Variants in OPHN1 observed in about 807,000 individuals in gnomAD.
The protein encoded by OPHN1 is oligophrenin 1.
Under a neutral mutation model 60.7 loss-of-function variants are expected in OPHN1, and 11 were observed. The ratio of observed to expected loss-of-function variants is 0.18; its 90% CI spans 0.11 to 0.30. The LOEUF is 0.30. OPHN1 is among the 10% of genes least tolerant of loss of function. The probability of loss-of-function intolerance (pLI) is 1.00; values close to 1 mark genes in which losing one functional copy is unlikely to be tolerated. For missense variants in OPHN1, 449 were observed against 611.0 expected (o/e 0.73, Z 2.80); for synonymous variants, 226 against 222.6 (o/e 1.02, Z -0.14).
intron 15 of OPHN1, among the ~76,000 whole-genome samples, chrX:68,159,537 A>T (rs1178178495): frequency 1.8e-5 from 2 of 112,282 alleles, no homozygotes; most frequent in African/African-American, 3.2e-5. Context: ...ACAAGTTTTT[A>T]AAATTATATA....
At chrX:68,292,909 C>T (rs950888961) in intron 3 of OPHN1, among the ~76,000 whole-genome samples, 5 of 111,949 alleles carry the variant, frequency 4.5e-5, no homozygotes, top group African/African-American at 1.6e-4. Context: ...AAAGCTATTG[C>T]CTGTGCTAAG....
chrX:68,110,298 T>C (rs1440254137), intron 18 of OPHN1, among the ~76,000 whole-genome samples: 1 of 112,045 alleles, frequency 8.9e-6, no homozygotes, highest in Non-Finnish European at 1.9e-5. Context: ...TTCTGTGATC[T>C]ATTTGTTCAT....
chrX:68,292,825 C>G (rs1031766049), intron 3 of OPHN1, among the ~76,000 whole-genome samples: 2 of 111,765 alleles, frequency 1.8e-5, no homozygotes, highest in Non-Finnish European at 3.8e-5. Flanking sequence ...GCACTCAAGC[C>G]CAATAACTTG....
intron 2 of OPHN1, among the ~76,000 whole-genome samples, chrX:68,369,931 G>T (rs982045585): frequency 4.9e-5 from 5 of 101,633 alleles, no homozygotes; most frequent in African/African-American, 7.4e-5. Context: ...CATGTATAAG[G>T]CTCCTCATTA....
intron 21 of OPHN1, among the ~76,000 whole-genome samples, chrX:68,058,259 AACACACACAC>A (rs745625536): frequency 9.8e-6 from 1 of 101,999 alleles, no homozygotes; most frequent in Middle Eastern, 4.9e-3. Context: ...CCTACACTCT[AACACACACAC>A]ACACACACAC....
intron 5 of OPHN1, among the ~76,000 whole-genome samples, chrX:68,238,150 G>T (rs2077761904): frequency 9.0e-6 from 1 of 111,655 alleles, no homozygotes; most frequent in South Asian, 3.8e-4. Flanking sequence ...AGCATTGTTT[G>T]TGATGTTACG....
At chrX:68,158,025 T>C (rs967980531) in intron 15 of OPHN1, among the ~76,000 whole-genome samples, 1 of 111,894 alleles carries the variant, frequency 8.9e-6, no homozygotes, top group African/African-American at 3.2e-5. Context: ...CTGGGCTCAC[T>C]GCAAGCTCCA....
In OPHN1 at chrX:68,175,590, C is replaced by A. The variant is rs768750216; in HGVS notation, c.1276+17329G>T. 2.1e-4 allele frequency among the ~76,000 whole-genome samples: 23 copies of A among 111,611 alleles called. No homozygotes were observed. In the South Asian group the frequency reaches 6.1e-3, roughly 29 times the overall value. ...TTTAGAAATACCACACCTCCCCGAT[C>A]TTTTTGTGTCCTCAGAAACAAGTAA... On this transcript the variant is annotated intron_variant, in intron 15 of 24. Coordinates refer to ENST00000355520, the MANE Select transcript of OPHN1 (RefSeq NM_002547.3).
Position 68,387,353 on chromosome X carries a change from T to C in OPHN1, c.154+45514A>G, listed in dbSNP as rs141062538. On this transcript the variant is annotated intron_variant, in intron 2 of 24. Coordinates refer to ENST00000355520, the MANE Select transcript of OPHN1 (RefSeq NM_002547.3). ...ACTTTAGTTCAAGCCACCATTCTCT[T>C]ACTCAGATTAATGTAATAGCCTCCT... 1.5e-3 allele frequency among the ~76,000 whole-genome samples: 163 copies of C among 110,866 alleles called. 1 individual carries two copies. The highest frequency in any genetic ancestry group is 5.0e-3 in the African/African-American group (153 of 30,565).
At chrX:68,281,165 G>T (rs1229952157) in intron 4 of OPHN1, among the ~76,000 whole-genome samples, 3 of 111,758 alleles carry the variant, frequency 2.7e-5, no homozygotes, top group African/African-American at 9.7e-5. Flanking sequence ...TTTTACTACA[G>T]TGCAATTACT....
intron 4 of OPHN1, among the ~76,000 whole-genome samples, chrX:68,276,667 T>C (rs2077993097): frequency 9.0e-6 from 1 of 111,498 alleles, no homozygotes; most frequent in South Asian, 3.8e-4. Context: ...AGGTGAGGTC[T>C]ATGTCCCCTC....
intron 3 of OPHN1, among the ~76,000 whole-genome samples, chrX:68,286,248 T>C (rs1463673865): frequency 2.7e-5 from 3 of 111,886 alleles, no homozygotes; most frequent in Admixed American, 1.9e-4. Context: ...TTCTTTGTCA[T>C]ATGAAACCAC....
At chrX:68,237,204 C>T (rs2077757158) in intron 5 of OPHN1, among the ~76,000 whole-genome samples, 1 of 112,294 alleles carries the variant, frequency 8.9e-6, no homozygotes, top group Non-Finnish European at 1.9e-5. Context: ...AGGCTGGTCT[C>T]GAACTCCTGA....
chrX:68,071,313 A>G, intron 20 of OPHN1: 1 of 765,530 alleles, frequency 1.3e-6, no homozygotes, highest in Non-Finnish European at 2.0e-6. Context: ...CTAGCTTGGA[A>G]AGTGAAGCTC....
At chrX:68,097,090 A>T in intron 18 of OPHN1, 61 bp from the exon 19 acceptor site, 1 of 1,108,475 alleles carries the variant, frequency 9.0e-7, no homozygotes, top group Non-Finnish European at 1.2e-6. Context: ...TACAACCAAG[A>T]CTGTTTTAGG....
intron 15 of OPHN1, among the ~76,000 whole-genome samples, chrX:68,182,827 G>A (rs1034678244): frequency 2.7e-5 from 3 of 111,733 alleles, no homozygotes; most frequent in Admixed American, 9.5e-5. Context: ...CACAAGGATC[G>A]CTTGAACCCG....
chrX:68,333,867 G>T (rs2078308372), intron 2 of OPHN1, among the ~76,000 whole-genome samples: 1 of 107,791 alleles, frequency 9.3e-6, no homozygotes, highest in African/African-American at 3.4e-5. Flanking sequence ...TGTTGGCAGG[G>T]AAGTTTTCTC....
chrX:68,373,813 T>C (rs2078541525), intron 2 of OPHN1, among the ~76,000 whole-genome samples: 1 of 111,523 alleles, frequency 9.0e-6, no homozygotes, highest in South Asian at 3.7e-4. Flanking sequence ...ATCCCCATTT[T>C]AGAGAAAAGA....
At chrX:68,234,636 T>A in intron 5 of OPHN1, 48 bp from the exon 6 acceptor site, 1 of 933,822 alleles carries the variant, frequency 1.1e-6, no homozygotes, top group South Asian at 2.0e-5. Flanking sequence ...TAGTTGTAAC[T>A]CTGTCTGCTT....
Sources: allele counts gnomAD v4.1 joint callset (sites outside exome capture counted in the v4.1 genomes callset), GRCh38; gene constraint gnomAD v4.1.1; transcripts MANE v1.5; gene names NCBI Gene and HGNC (gene_info 2026-07-23, HGNC 2026-07-21).